The following PLXNA4 variants were observed in gnomAD, a reference collection of about 807,000 sequenced individuals.
PLXNA4 encodes the protein plexin A4.
PLXNA4 carries 44 observed loss-of-function variants against 191.8 expected under a neutral mutation model. The observed-to-expected ratio is 0.23, with a 90% CI of 0.18 to 0.29. The LOEUF is 0.29. Among genes scored for constraint, PLXNA4 ranks in the 10% least tolerant of loss-of-function variants. PLXNA4 has a pLI of 1.00. For synonymous variants in PLXNA4, 1,082 were observed against 1,009.5 expected, an observed-to-expected ratio of 1.07 and a Z score of -1.36; for missense variants, 1,800 against 2,488.8, an observed-to-expected ratio of 0.72 and a Z score of 5.89.
At chr7:132,564,410 C>CT (rs1460645922) in intron 1 of PLXNA4, among the ~76,000 whole-genome samples, 2 of 151,428 alleles carry the variant, frequency 1.3e-5, no homozygotes, top group African/African-American at 2.4e-5. Context: ...CTTGCTCCTC[C>CT]CCCTCCTTCT....
intron 2 of PLXNA4, among the ~76,000 whole-genome samples, chr7:132,495,088 C>A (rs1797956941): frequency 6.6e-6 from 1 of 152,214 alleles, no homozygotes; most frequent in Non-Finnish European, 1.5e-5. Context: ...ATCTTGAAGG[C>A]AGCAGGTGAT....
chr7:132,219,001 T>A lies in PLXNA4; in HGVS notation c.2097+4526A>T, dbSNP rs941488346. On this transcript the variant is annotated intron_variant, in intron 9 of 31. Transcript: ENST00000321063. Reference sequence around the variant, plus strand: ...AAAAAAGGTAATTCAATATCCCTGATAGTCAACAAAGCTACTGTTGAAATG... The same window carrying A: ...AAAAAAGGTAATTCAATATCCCTGAAAGTCAACAAAGCTACTGTTGAAATG... Among the ~76,000 whole-genome samples, 3 of 152,168 alleles carry A rather than the reference T, an allele frequency of 2.0e-5. No homozygotes were observed. In the South Asian group the frequency reaches 6.2e-4, roughly 31 times the overall value.
intron 3 of PLXNA4, among the ~76,000 whole-genome samples, chr7:132,471,202 T>C (rs1160784425): frequency 6.6e-6 from 1 of 152,190 alleles, no homozygotes; most frequent in African/African-American, 2.4e-5. Flanking sequence ...CCTTCTGCCA[T>C]GACTGTAAGC....
In PLXNA4 at chr7:132,588,315, T is replaced by C. The variant is rs534876342; in HGVS notation, c.-87+57613A>G. ...AATGACCTGAACAATGGCATTCTTA[T>C]CTCTCCCTTGGGAGAAATTATTCTG... is the stretch of plus-strand genomic sequence containing the variant. On this transcript the variant is annotated intron_variant, in intron 2 of 4. Coordinates refer to the PLXNA4 transcript ENST00000378539. Among the ~76,000 whole-genome samples the C allele has an allele frequency of 2.0e-5, 3 of 152,120 alleles. No individual in the cohort carries two copies. The East Asian group carries it at 6.0e-4, about 30-fold the overall frequency.
intron 3 of PLXNA4, among the ~76,000 whole-genome samples, chr7:132,360,528 G>T (rs910672230): frequency 6.6e-6 from 1 of 152,094 alleles, no homozygotes; most frequent in African/African-American, 2.4e-5. Context: ...AAAAAATAAG[G>T]GTCCCGTTCT....
rs1014258361 is a variant in PLXNA4 at position 132,128,553 on chromosome 7, A to G, written c.*1926T>C. 3 of 152,076 alleles carry G rather than the reference A, an allele frequency of 2.0e-5. No homozygotes were observed. Among genetic ancestry groups the G allele is most frequent in the Non-Finnish European group, 4.4e-5 (3 of 68,028 alleles). The allele number at this position is 152,076 out of a possible 1,614,324, so 9.4% of individuals were successfully genotyped here. The stretch of plus-strand genomic sequence containing the variant: ...GGGGAAAGAGAAGGGGAACACTTCA[A>G]AAATCCTCCTACAAAGGACAAGAAA... On this transcript the variant is annotated 3_prime_UTR_variant, in exon 32 of 32. Coordinates refer to ENST00000321063, the MANE Select transcript of PLXNA4 (RefSeq NM_020911.2).
chr7:132,236,649 C>T (rs1798711268), intron 5 of PLXNA4, among the ~76,000 whole-genome samples: 1 of 152,142 alleles, frequency 6.6e-6, no homozygotes, highest in African/African-American at 2.4e-5. Context: ...ATCACTGAGC[C>T]TGGCACACTG....
intron 3 of PLXNA4, among the ~76,000 whole-genome samples, chr7:132,400,939 C>G (rs1793959369): frequency 6.6e-6 from 1 of 152,222 alleles, no homozygotes; most frequent in Non-Finnish European, 1.5e-5. Flanking sequence ...ATTGTTTGGT[C>G]TATTTTCAAT....
At chr7:132,564,582 G>A (rs1801627032) in intron 1 of PLXNA4, among the ~76,000 whole-genome samples, 1 of 152,162 alleles carries the variant, frequency 6.6e-6, no homozygotes, top group African/African-American at 2.4e-5. Flanking sequence ...TGAACTCCCT[G>A]CTGACAGAAG....
intron 3 of PLXNA4, among the ~76,000 whole-genome samples, chr7:132,365,585 G>A (rs17819692): frequency 0.054 from 8,172 of 152,154 alleles, 282 homozygotes; most frequent in Non-Finnish European, 0.078. Flanking sequence ...TAGGAAAACC[G>A]GAAAAGAAAA....
chr7:132,365,360 T>TGC (rs58311131), intron 3 of PLXNA4, among the ~76,000 whole-genome samples: 9 of 128,742 alleles, frequency 7.0e-5, no homozygotes, highest in Admixed American at 1.5e-4. Context: ...TGTGTGTGTG[T>TGC]GCGTGCGCGC....
In PLXNA4 at chr7:132,469,457, T is replaced by C. The variant is rs1333448560; in HGVS notation, c.1371+19835A>G. On this transcript the variant is annotated intron_variant, in intron 3 of 31. Transcript: ENST00000321063. The stretch of plus-strand genomic sequence containing the variant: ...ACTGATTGGAAGTCATTTCCGCTTT[T>C]TCAGCAGACCCAGCCTCAGCTGATG... Among the ~76,000 whole-genome samples, 4 of 152,240 alleles carry C rather than the reference T, an allele frequency of 2.6e-5. No individual in the cohort carries two copies. The South Asian group carries it at 8.3e-4, about 31-fold the overall frequency.
intron 1 of PLXNA4, among the ~76,000 whole-genome samples, chr7:132,546,685 A>C (rs1286688226): frequency 6.6e-6 from 1 of 152,194 alleles, no homozygotes; most frequent in African/African-American, 2.4e-5. Context: ...ACTAGTGGAC[A>C]GTGATCTTGT....
At chr7:132,521,715 C>G (rs1310367061) in intron 1 of PLXNA4, among the ~76,000 whole-genome samples, 1 of 152,274 alleles carries the variant, frequency 6.6e-6, no homozygotes, top group South Asian at 2.1e-4. Context: ...TTCACAAAAC[C>G]GGGCACAGAA....
chr7:132,221,816 G>C (rs1798155686), intron 9 of PLXNA4, among the ~76,000 whole-genome samples: 1 of 152,176 alleles, frequency 6.6e-6, no homozygotes, highest in Non-Finnish European at 1.5e-5. Flanking sequence ...TTCCCACAGA[G>C]AGGGAGTTGG....
intron 2 of PLXNA4, among the ~76,000 whole-genome samples, chr7:132,593,104 C>A (rs1006008891): frequency 1.3e-5 from 2 of 152,304 alleles, no homozygotes; most frequent in African/African-American, 2.4e-5. Flanking sequence ...GATGATATAG[C>A]GCTTATCTGT....
chr7:132,428,905 C>T (rs1054095505), intron 3 of PLXNA4, among the ~76,000 whole-genome samples: 1 of 152,200 alleles, frequency 6.6e-6, no homozygotes, highest in African/African-American at 2.4e-5. Flanking sequence ...AAACAGGGAC[C>T]AATGTGAGGA....
intron 2 of PLXNA4, among the ~76,000 whole-genome samples, chr7:132,602,538 T>G (rs1237651068): frequency 6.6e-6 from 1 of 152,220 alleles, no homozygotes; most frequent in Non-Finnish European, 1.5e-5. Flanking sequence ...ATATTTGCTT[T>G]TGTGACCAGG....
intron 3 of PLXNA4, among the ~76,000 whole-genome samples, chr7:132,304,271 C>T (rs1405224081): frequency 1.3e-5 from 2 of 152,134 alleles, no homozygotes; most frequent in Non-Finnish European, 2.9e-5. Flanking sequence ...CCACTGTGTC[C>T]TCTGTAGTAG....
Sources: allele counts gnomAD v4.1 joint callset (sites outside exome capture counted in the v4.1 genomes callset), GRCh38; gene constraint gnomAD v4.1.1; transcripts MANE v1.5; gene names NCBI Gene and HGNC (gene_info 2026-07-23, HGNC 2026-07-21).